RANBP2: variants seen among roughly 807,000 people sequenced by gnomAD.
RANBP2 encodes RAN binding protein 2, also known as E3 SUMO-protein ligase RanBP2.
In RANBP2, 57 loss-of-function variants were observed where a neutral mutation model predicts 303.6. The observed-to-expected ratio is 0.19, with a 90% CI of 0.15 to 0.23. The LOEUF (loss-of-function observed/expected upper bound fraction) is 0.23. Among genes scored for constraint, RANBP2 ranks in the 10% least tolerant of loss-of-function variants. RANBP2 has a pLI of 1.00. For synonymous variants in RANBP2, 1,167 were observed against 1,301.5 expected, an observed-to-expected ratio of 0.90 and a Z score of 2.23; for missense variants, 3,138 against 3,780.8, an observed-to-expected ratio of 0.83 and a Z score of 4.46.
the RANBP2 span, among the ~76,000 whole-genome samples, chr2:108,809,126 A>G: frequency 6.6e-6 from 1 of 152,106 alleles, no homozygotes; most frequent in Non-Finnish European, 1.5e-5. Flanking sequence ...AGTTGGCTGT[A>G]AATGTGTGGA....
chr2:109,436,508 C>G, the RANBP2 span, among the ~76,000 whole-genome samples: 4 of 152,224 alleles, frequency 2.6e-5, no homozygotes, highest in Non-Finnish European at 4.4e-5. Context: ...CATCCTTTCC[C>G]CAATGTGCTG....
the RANBP2 span, among the ~76,000 whole-genome samples, chr2:109,378,409 C>T: frequency 3.3e-5 from 5 of 152,216 alleles, no homozygotes; most frequent in Admixed American, 3.3e-4. Context: ...GCACCCCCAC[C>T]TGAGACGGGG....
the RANBP2 span, among the ~76,000 whole-genome samples, chr2:108,920,385 C>T: frequency 6.6e-6 from 1 of 152,220 alleles, no homozygotes; most frequent in Non-Finnish European, 1.5e-5. Context: ...AACGGGTTGA[C>T]CTCCCTGCCC....
the RANBP2 span, among the ~76,000 whole-genome samples, chr2:109,494,856 C>T: frequency 2.6e-5 from 4 of 152,252 alleles, no homozygotes; most frequent in South Asian, 2.1e-4. Context: ...GGAAAGAGAG[C>T]GGGCGCTGCT....
the RANBP2 span, among the ~76,000 whole-genome samples, chr2:109,229,992 T>C: frequency 6.6e-6 from 1 of 151,884 alleles, no homozygotes; most frequent in African/African-American, 2.4e-5. Context: ...GCCCGGCTAA[T>C]TTTTTGTATA....
At chr2:109,169,194 G>C in the RANBP2 span, among the ~76,000 whole-genome samples, 1 of 152,192 alleles carries the variant, frequency 6.6e-6, no homozygotes, top group Non-Finnish European at 1.5e-5. Context: ...TTTATTTGTG[G>C]TTAGAAAACC....
At chr2:109,404,127 T>C in the RANBP2 span, among the ~76,000 whole-genome samples, 3 of 151,650 alleles carry the variant, frequency 2.0e-5, no homozygotes, top group Non-Finnish European at 4.4e-5. Flanking sequence ...TGGTGGTGGG[T>C]AAGAAGTGGG....
the RANBP2 span, among the ~76,000 whole-genome samples, chr2:109,601,424 T>C: frequency 4.6e-5 from 7 of 152,244 alleles, no homozygotes; most frequent in African/African-American, 7.2e-5. Context: ...GTACAGGGTA[T>C]TAACAATTTT....
the RANBP2 span, chr2:108,876,233 G>T: frequency 1.2e-6 from 2 of 1,611,450 alleles, no homozygotes; most frequent in Non-Finnish European, 1.7e-6. Context: ...TAACTCCCTG[G>T]TCTCCAGTGC....
chr2:109,214,719 C>G, the RANBP2 span, among the ~76,000 whole-genome samples: 1 of 152,206 alleles, frequency 6.6e-6, no homozygotes, highest in Non-Finnish European at 1.5e-5. Context: ...GGGCTCCACT[C>G]CAGCTGCAAC....
chr2:108,878,191 T>C, the RANBP2 span: 1 of 152,116 alleles, frequency 6.6e-6, no homozygotes, highest in African/African-American at 2.4e-5. Context: ...ATTATAACTG[T>C]TTATAAGATG....
At chr2:109,623,301 C>T in the RANBP2 span, among the ~76,000 whole-genome samples, 4 of 152,202 alleles carry the variant, frequency 2.6e-5, no homozygotes, top group Admixed American at 1.3e-4. Flanking sequence ...TCAGTGTCCT[C>T]CTCTGTGCCC....
At chr2:109,550,317 TTTTTTTG>T in the RANBP2 span, among the ~76,000 whole-genome samples, 1,419 of 151,360 alleles carry the variant, frequency 9.4e-3, 31 homozygotes, top group African/African-American at 0.033. Flanking sequence ...GTATCTTTTT[TTTTTTTG>T]TTTTTTGAGA....
the RANBP2 span, among the ~76,000 whole-genome samples, chr2:108,904,882 C>T: frequency 2.0e-5 from 3 of 152,086 alleles, no homozygotes; most frequent in Non-Finnish European, 4.4e-5. Flanking sequence ...GGAGCTGAGT[C>T]GATATCACTG....
the RANBP2 span, among the ~76,000 whole-genome samples, chr2:108,999,287 C>G: frequency 3.3e-5 from 5 of 152,214 alleles, no homozygotes; most frequent in African/African-American, 9.6e-5. Flanking sequence ...GGGGCTTAGG[C>G]TGGAGCTTTG....
At chr2:109,427,053 T>C in the RANBP2 span, among the ~76,000 whole-genome samples, 88,507 of 151,848 alleles carry the variant, frequency 0.58, 26,707 homozygotes, top group African/African-American at 0.74. Flanking sequence ...ACTGGAACCT[T>C]CGCCTCCTGG....
the RANBP2 span, among the ~76,000 whole-genome samples, chr2:109,644,720 G>A: frequency 6.6e-6 from 1 of 152,186 alleles, no homozygotes; most frequent in African/African-American, 2.4e-5. Flanking sequence ...CCTGGATGAG[G>A]CCGCTGGGAC....
intron 1 of RANBP2, among the ~76,000 whole-genome samples, chr2:108,727,471 T>C (rs1370718733): frequency 6.6e-6 from 1 of 152,070 alleles, no homozygotes; most frequent in African/African-American, 2.4e-5. Flanking sequence ...CATGTTTCGA[T>C]TGACGGCAAC....
the RANBP2 span, chr2:109,419,492 A>G: frequency 1.3e-6 from 2 of 1,530,836 alleles, no homozygotes; most frequent in Non-Finnish European, 1.8e-6. Flanking sequence ...TTTCCCTTGG[A>G]TGGAGTCTCT....
Sources: allele counts gnomAD v4.1 joint callset (sites outside exome capture counted in the v4.1 genomes callset), GRCh38; gene constraint gnomAD v4.1.1; transcripts MANE v1.5; gene names NCBI Gene and HGNC (gene_info 2026-07-23, HGNC 2026-07-21).